BTC: variants seen among roughly 807,000 people sequenced by gnomAD.
The protein encoded by BTC is betacellulin.
Under a neutral mutation model 18.1 loss-of-function variants are expected in BTC, and 13 were observed. The ratio of observed to expected loss-of-function variants is 0.72; its 90% CI spans 0.47 to 1.14. BTC has a LOEUF of 1.14. Ranked by LOEUF, BTC falls within the 50% of genes most tolerant of loss-of-function variation. BTC has a pLI of 0.00. For synonymous variants in BTC, 83 were observed against 79.4 expected, an observed-to-expected ratio of 1.05 and a Z score of -0.24; for missense variants, 247 against 224.2, an observed-to-expected ratio of 1.10 and a Z score of -0.65.
intron 1 of BTC, among the ~76,000 whole-genome samples, chr4:74,774,772 T>C (rs1423593732): frequency 6.6e-6 from 1 of 152,114 alleles, no homozygotes; most frequent in Non-Finnish European, 1.5e-5. Flanking sequence ...GTTGGGATTC[T>C]GTTATGCAGC....
chr4:74,760,730 T>A (rs1401597389), intron 2 of BTC, among the ~76,000 whole-genome samples: 2 of 132,862 alleles, frequency 1.5e-5, no homozygotes, highest in Non-Finnish European at 1.6e-5. Context: ...CAGATTAGCA[T>A]GTCATTTTTT....
At chr4:74,761,194 T>G (rs1388350587) in intron 2 of BTC, among the ~76,000 whole-genome samples, 1 of 152,112 alleles carries the variant, frequency 6.6e-6, no homozygotes, top group Non-Finnish European at 1.5e-5. Flanking sequence ...AAAATATTCA[T>G]GGCTGGAGGC....
At chr4:74,748,286 C>A in intron 4 of BTC, 137 bp from the exon 5 acceptor site, 2 of 495,120 alleles carry the variant, frequency 4.0e-6, no homozygotes, top group Non-Finnish European at 6.9e-6. Flanking sequence ...CAGTGGCTCA[C>A]GCCTGTAATC....
At chr4:74,753,448 T>G (rs1553956411) in intron 3 of BTC, among the ~76,000 whole-genome samples, 1 of 152,224 alleles carries the variant, frequency 6.6e-6, no homozygotes, top group Non-Finnish European at 1.5e-5. Context: ...ATAGTAAATG[T>G]GCTATGCTGC....
intron 2 of BTC, among the ~76,000 whole-genome samples, chr4:74,767,530 C>G (rs1724932057): frequency 6.6e-6 from 1 of 151,590 alleles, no homozygotes; most frequent in Non-Finnish European, 1.5e-5. Flanking sequence ...GACTGACTAT[C>G]AAAATTCCAA....
chr4:74,778,883 C>T (rs1725246398), intron 1 of BTC, among the ~76,000 whole-genome samples: 1 of 152,108 alleles, frequency 6.6e-6, no homozygotes, highest in Non-Finnish European at 1.5e-5. Context: ...ACACAGTGAG[C>T]AATTTGGGCA....
At chr4:74,788,155 C>G (rs1230898864) in intron 1 of BTC, among the ~76,000 whole-genome samples, 1 of 152,182 alleles carries the variant, frequency 6.6e-6, no homozygotes, top group Non-Finnish European at 1.5e-5. Context: ...AGAACTGTAT[C>G]AATAATTCAG....
chr4:74,779,710 C>T (rs1725268438), intron 1 of BTC, among the ~76,000 whole-genome samples: 1 of 152,000 alleles, frequency 6.6e-6, no homozygotes, highest in South Asian at 2.1e-4. Flanking sequence ...AGTCATCAAA[C>T]TTTAATAATG....
Position 74,748,094 on chromosome 4 carries a change from C to T in BTC, c.484G>A (p.Gly162Ser). 3 of 1,610,298 alleles carry T rather than the reference C, an allele frequency of 1.9e-6. No individual in the cohort carries two copies. The highest frequency in any genetic ancestry group is 2.5e-6 in the Non-Finnish European group (3 of 1,178,720). The stretch of plus-strand genomic sequence containing the variant: ...TCATTGATAGGAGTTATATCTTTAC[C>T]CAGAGTTTCCATTTCTTCTTCTTTC... The part of the protein sequence containing the change: ...KKKEEEMETL[G>S]KDITPINEDI... Residue 162 changes from glycine (G) to serine (S), a missense_variant, in exon 5 of 6, where the codon GGT (glycine) becomes AGT (serine). Gly to Ser is a moderately conservative substitution (Grantham distance 56). Coordinates refer to ENST00000395743, the MANE Select transcript of BTC (RefSeq NM_001729.4).
Position 74,794,427 on chromosome 4 carries a change from C to G in BTC, c.-102G>C, listed in dbSNP as rs930592992. Reference sequence around the variant, plus strand: ...CCTGAGAGGGTGCCTGGAAACTAATCCCGGAGGCAGAAGGAAACGAAACTA... The same window carrying G: ...CCTGAGAGGGTGCCTGGAAACTAATGCCGGAGGCAGAAGGAAACGAAACTA... On this transcript the variant is annotated 5_prime_UTR_variant, in exon 1 of 6. Transcript: ENST00000395743. The G allele has an allele frequency of 7.9e-7, 1 of 1,269,336 alleles. No individual in the cohort carries two copies. Among genetic ancestry groups the G allele is most frequent in the African/African-American group, 1.5e-5 (1 of 64,788 alleles). The allele number at this position is 1,269,336 out of a possible 1,614,324, so 78.6% of individuals were successfully genotyped here.
Position 74,745,446 on chromosome 4 carries a change from T to C in BTC, c.*1231A>G, listed in dbSNP as rs562652481. On this transcript the variant is annotated 3_prime_UTR_variant, in exon 6 of 6. Transcript: ENST00000395743. Reference sequence around the variant, plus strand: ...GTTGGGGGGCATCTTCCATCGATTTTTGTAAGTGAACCACGTAATCAATGT... The same window carrying C: ...GTTGGGGGGCATCTTCCATCGATTTCTGTAAGTGAACCACGTAATCAATGT... 1.3e-5 allele frequency: 2 copies of C among 152,376 alleles called. No individual in the cohort carries two copies. The highest frequency in any genetic ancestry group is 4.1e-4 in the South Asian group (2 of 4,832). 9.4% of individuals were successfully genotyped at this position (152,376 alleles called of 1,614,324 possible).
intron 3 of BTC, among the ~76,000 whole-genome samples, chr4:74,753,089 G>A (rs1284429300): frequency 1.3e-5 from 2 of 152,178 alleles, no homozygotes; most frequent in Admixed American, 6.5e-5. Context: ...CTCTCATGTA[G>A]GAGAAGAAGA....
At chr4:74,775,436 A>T (rs1434532218) in intron 1 of BTC, among the ~76,000 whole-genome samples, 1 of 152,184 alleles carries the variant, frequency 6.6e-6, no homozygotes, top group Non-Finnish European at 1.5e-5. Flanking sequence ...TAGAAAACAC[A>T]GTAAGATTTC....
At chr4:74,771,070 T>C (rs1052857366) in intron 1 of BTC, among the ~76,000 whole-genome samples, 1 of 151,970 alleles carries the variant, frequency 6.6e-6, no homozygotes. Flanking sequence ...TATTGATAAT[T>C]GCTGAAGCTG....
At chr4:74,763,311 A>G (rs1168651852) in intron 2 of BTC, among the ~76,000 whole-genome samples, 1 of 152,132 alleles carries the variant, frequency 6.6e-6, no homozygotes, top group African/African-American at 2.4e-5. Flanking sequence ...TAATTTACAA[A>G]TAATATTTTC....
chr4:74,766,958 T>C (rs1407821775), intron 2 of BTC, among the ~76,000 whole-genome samples: 1 of 151,972 alleles, frequency 6.6e-6, no homozygotes, highest in Non-Finnish European at 1.5e-5. Context: ...AGCCCTTAAC[T>C]AACATGGTAC....
At chr4:74,758,608 C>T (rs1380631287) in intron 2 of BTC, among the ~76,000 whole-genome samples, 1 of 152,208 alleles carries the variant, frequency 6.6e-6, no homozygotes, top group Admixed American at 6.5e-5. Context: ...TCTCTAGTTG[C>T]TGTGCCCCTT....
chr4:74,790,224 A>G (rs1387671849), intron 1 of BTC, among the ~76,000 whole-genome samples: 1 of 152,240 alleles, frequency 6.6e-6, no homozygotes, highest in Non-Finnish European at 1.5e-5. Flanking sequence ...TTTAAGAGGT[A>G]TTGATAACAA....
At chr4:74,754,744 G>A (rs62316313) in intron 3 of BTC, among the ~76,000 whole-genome samples, 28 of 152,116 alleles carry the variant, frequency 1.8e-4, no homozygotes, top group African/African-American at 6.7e-4. Flanking sequence ...GTTGATCTTA[G>A]GCAGGTAGAT....
Sources: gnomAD v4.1 joint callset for allele counts (sites outside exome capture counted in the v4.1 genomes callset) on GRCh38, gnomAD v4.1.1 for gene constraint, MANE v1.5 for transcripts, NCBI Gene and HGNC (gene_info 2026-07-23, HGNC 2026-07-21) for gene names.